Variants in RGS6 observed in about 807,000 individuals in gnomAD.
RGS6 encodes the protein regulator of G protein signaling 6, also known as regulator of G-protein signaling 6.
A neutral mutation model predicts 78.5 loss-of-function variants in RGS6; 30 were observed. The observed-to-expected ratio is 0.38, with a 90% CI of 0.29 to 0.52. RGS6 has a LOEUF of 0.52. RGS6 is among the 20% of genes least tolerant of loss of function. RGS6 has a pLI of 0.85. For synonymous variants in RGS6, 206 were observed against 206.0 expected, an observed-to-expected ratio of 1.00 and a Z score of 0.00; for missense variants, 495 against 609.7, an observed-to-expected ratio of 0.81 and a Z score of 1.98.
upstream of RGS6, among the ~76,000 whole-genome samples, chr14:71,928,124 C>G (rs2087745716): frequency 6.6e-6 from 1 of 152,142 alleles, no homozygotes; most frequent in Non-Finnish European, 1.5e-5. Context: ...TCTGAGTTAG[C>G]TGGGATTGTA....
At chr14:72,204,429 C>A (rs1459813704) in intron 2 of RGS6, among the ~76,000 whole-genome samples, 1 of 152,162 alleles carries the variant, frequency 6.6e-6, no homozygotes, top group African/African-American at 2.4e-5. Context: ...GGCTATGTGA[C>A]CTTAGGCAGG....
downstream of RGS6, among the ~76,000 whole-genome samples, chr14:72,571,000 A>G (rs10146857): frequency 0.34 from 51,154 of 152,018 alleles, 11,222 homozygotes; most frequent in African/African-American, 0.63. Context: ...ATCCAGACAT[A>G]TCTTGTACAT....
intron 2 of RGS6, among the ~76,000 whole-genome samples, chr14:72,084,816 T>C (rs988652663): frequency 1.3e-5 from 2 of 152,056 alleles, no homozygotes; most frequent in African/African-American, 2.4e-5. Context: ...GCTCAGTGTA[T>C]AGTATTGTGG....
chr14:71,989,522 A>G (rs542190449), intron 2 of RGS6, among the ~76,000 whole-genome samples: 6 of 152,390 alleles, frequency 3.9e-5, no homozygotes, highest in East Asian at 3.9e-4. Context: ...TGTGAAAAAC[A>G]TAAGGCAGAC....
At chr14:72,349,450 GA>G (rs1156242679) in intron 2 of RGS6, among the ~76,000 whole-genome samples, 2 of 152,114 alleles carry the variant, frequency 1.3e-5, no homozygotes. Flanking sequence ...ACCCGAAAGG[GA>G]AAAGGTAGAC....
intron 2 of RGS6, among the ~76,000 whole-genome samples, chr14:72,206,614 G>A (rs1315846506): frequency 6.6e-6 from 1 of 152,118 alleles, no homozygotes; most frequent in Non-Finnish European, 1.5e-5. Context: ...GAAAGGAGGA[G>A]CAAGTCACTT....
rs141435666 is a variant in RGS6, at chr14:72,205,550, A to G, written c.85-146545A>G. ...ATGGATGTGTTCTGAGCCATCATAT[A>G]TTCCAGCCATATCTTTATACTTCTG... On this transcript the variant is annotated intron_variant, in intron 2 of 17. Transcript: ENST00000553525. Among the ~76,000 whole-genome samples the G allele has an allele frequency of 2.4e-4, 36 of 152,316 alleles. No homozygotes were observed. The East Asian group carries it at 6.8e-3, about 29-fold the overall frequency.
chr14:72,441,847 C>T (rs922697703), intron 3 of RGS6, among the ~76,000 whole-genome samples: 15 of 152,216 alleles, frequency 9.9e-5, no homozygotes, highest in African/African-American at 3.4e-4. Context: ...ATAGGAGGCC[C>T]CCAGCAGTGG....
intron 2 of RGS6, among the ~76,000 whole-genome samples, chr14:72,349,700 A>G (rs1196606259): frequency 1.3e-5 from 2 of 152,238 alleles, no homozygotes; most frequent in South Asian, 2.1e-4. Flanking sequence ...CCTCTTTAGT[A>G]AATGAGCCTT....
intron 2 of RGS6, among the ~76,000 whole-genome samples, chr14:72,124,326 C>T (rs1034043908): frequency 3.3e-5 from 5 of 152,112 alleles, no homozygotes; most frequent in Non-Finnish European, 5.9e-5. Context: ...TTGTACAGTT[C>T]GCAGGAAACC....
At chr14:72,252,185 G>C (rs1386849398) in intron 2 of RGS6, among the ~76,000 whole-genome samples, 1 of 152,210 alleles carries the variant, frequency 6.6e-6, no homozygotes, top group African/African-American at 2.4e-5. Flanking sequence ...AGCCAAACAT[G>C]TAATATGATT....
At chr14:72,118,077 C>T (rs367884127) in intron 2 of RGS6, among the ~76,000 whole-genome samples, 5 of 152,208 alleles carry the variant, frequency 3.3e-5, no homozygotes, top group South Asian at 2.1e-4. Context: ...ATTTCTTGAG[C>T]GCTGGCCACT....
chr14:72,081,339 A>C (rs946103834), intron 2 of RGS6, among the ~76,000 whole-genome samples: 15 of 152,074 alleles, frequency 9.9e-5, no homozygotes, highest in Admixed American at 9.8e-4. Context: ...GAAATGCTGC[A>C]TCAGCACTAA....
At chr14:72,389,076 C>T (rs1245360784) in intron 3 of RGS6, among the ~76,000 whole-genome samples, 2 of 152,144 alleles carry the variant, frequency 1.3e-5, no homozygotes, top group Non-Finnish European at 2.9e-5. Context: ...CCTGGGTTGT[C>T]TCGGGTCCAT....
chr14:72,532,287 G>A (rs2097192105), intron 15 of RGS6, among the ~76,000 whole-genome samples: 1 of 152,100 alleles, frequency 6.6e-6, no homozygotes, highest in African/African-American at 2.4e-5. Flanking sequence ...TTGCTCTGGG[G>A]GTGCCCAACT....
intron 12 of RGS6, among the ~76,000 whole-genome samples, chr14:72,482,800 C>G (rs1366932600): frequency 6.6e-6 from 1 of 152,206 alleles, no homozygotes; most frequent in African/African-American, 2.4e-5. Context: ...TTGGCTAAAA[C>G]AAGTCACTAA....
At chr14:72,550,606 T>C in intron 17 of RGS6, 3 of 1,534,528 alleles carry the variant, frequency 2.0e-6, no homozygotes, top group Non-Finnish European at 1.7e-6. Context: ...TGATACGTGC[T>C]CTGTCCTGGT....
At chr14:72,576,236 G>A in the RGS6 span, among the ~76,000 whole-genome samples, 1 of 152,118 alleles carries the variant, frequency 6.6e-6, no homozygotes, top group African/African-American at 2.4e-5. Context: ...TATAAAACCA[G>A]TTTAGACATG....
chr14:72,464,678 C>T (rs527253355), intron 6 of RGS6: 2 of 152,328 alleles, frequency 1.3e-5, no homozygotes, highest in Non-Finnish European at 2.9e-5. Context: ...GATTGTTCCA[C>T]TTGGCTCTGG....
Sources: gnomAD v4.1 joint callset for allele counts (sites outside exome capture counted in the v4.1 genomes callset) on GRCh38, gnomAD v4.1.1 for gene constraint, MANE v1.5 for transcripts, NCBI Gene and HGNC (gene_info 2026-07-23, HGNC 2026-07-21) for gene names.